CNTN5: variants seen among roughly 807,000 people sequenced by gnomAD.
CNTN5 encodes contactin 5, also known as contactin-5.
Under a neutral mutation model 129.1 loss-of-function variants are expected in CNTN5, and 77 were observed. The ratio of observed to expected loss-of-function variants is 0.60; its 90% confidence interval spans 0.50 to 0.72. The LOEUF (loss-of-function observed/expected upper bound fraction) is 0.72, where lower values mean the gene tolerates loss of function less well. Among genes scored for constraint, CNTN5 ranks in the 30% least tolerant of loss-of-function variants. The pLI, the probability that CNTN5 is intolerant of heterozygous loss-of-function variation, is 0.00. For synonymous variants in CNTN5, 509 were observed against 465.6 expected, an observed-to-expected ratio of 1.09 and a Z score of -1.20; for missense variants, 1,478 against 1,328.8, an observed-to-expected ratio of 1.11 and a Z score of -1.75.
At chr11:99,959,927 A>G (rs1207117154) in intron 8 of CNTN5, among the ~76,000 whole-genome samples, 4 of 149,650 alleles carry the variant, frequency 2.7e-5, no homozygotes, top group Admixed American at 6.7e-5. Flanking sequence ...TTATTTGTCC[A>G]TTTTTTTTTT....
intron 9 of CNTN5, among the ~76,000 whole-genome samples, chr11:100,044,871 A>T (rs1179468408): frequency 6.6e-6 from 1 of 152,122 alleles, no homozygotes; most frequent in South Asian, 2.1e-4. Flanking sequence ...AGAACTCAGA[A>T]AAGTTATACT....
chr11:100,078,429 T>C (rs1041146661), intron 13 of CNTN5, among the ~76,000 whole-genome samples: 2 of 152,118 alleles, frequency 1.3e-5, no homozygotes, highest in Non-Finnish European at 2.9e-5. Context: ...CTAAGATTTG[T>C]TTACATTTGT....
intron 7 of CNTN5, among the ~76,000 whole-genome samples, chr11:99,950,936 A>G (rs1156825246): frequency 6.6e-6 from 1 of 152,194 alleles, no homozygotes; most frequent in African/African-American, 2.4e-5. Flanking sequence ...GTAATTTTCC[A>G]CTGGTTCTTT....
intron 1 of CNTN5, among the ~76,000 whole-genome samples, chr11:99,283,728 A>G (rs1271156798): frequency 6.6e-6 from 1 of 152,176 alleles, no homozygotes; most frequent in Admixed American, 6.6e-5. Flanking sequence ...ATCATATAAA[A>G]AAAAGAGTAG....
At chr11:99,525,510 G>A (rs925602168) in intron 2 of CNTN5, among the ~76,000 whole-genome samples, 1 of 152,214 alleles carries the variant, frequency 6.6e-6, no homozygotes, top group Admixed American at 6.5e-5. Context: ...TTTTGAGGAA[G>A]CAGGATTCAC....
At chr11:100,005,198 T>G (rs531612039) in intron 9 of CNTN5, among the ~76,000 whole-genome samples, 42 of 152,294 alleles carry the variant, frequency 2.8e-4, no homozygotes, top group African/African-American at 8.4e-4. Flanking sequence ...TTCCATCTAC[T>G]TAATCCAATC....
At chr11:99,190,871 A>T (rs529738697) in intron 1 of CNTN5, among the ~76,000 whole-genome samples, 13 of 151,640 alleles carry the variant, frequency 8.6e-5, no homozygotes, top group African/African-American at 3.1e-4. Context: ...TAGAACATCT[A>T]GGATTATGTT....
At chr11:99,939,868 T>C (rs573974897) in intron 7 of CNTN5, among the ~76,000 whole-genome samples, 1 of 152,156 alleles carries the variant, frequency 6.6e-6, no homozygotes, top group Non-Finnish European at 1.5e-5. Context: ...AAGGAGGTAT[T>C]GTGTTCTGCT....
At chr11:99,685,849 G>A (rs561233650) in intron 3 of CNTN5, among the ~76,000 whole-genome samples, 1 of 151,842 alleles carries the variant, frequency 6.6e-6, no homozygotes, top group African/African-American at 2.4e-5. Flanking sequence ...TTTACTATTT[G>A]TATCTTGTAT....
At chr11:99,163,090 C>G (rs2135519037) in intron 1 of CNTN5, among the ~76,000 whole-genome samples, 1 of 152,212 alleles carries the variant, frequency 6.6e-6, no homozygotes, top group African/African-American at 2.4e-5. Flanking sequence ...CTGCTTTTGA[C>G]AAATCACCTA....
intron 9 of CNTN5, among the ~76,000 whole-genome samples, chr11:100,021,303 C>T (rs900962138): frequency 6.6e-6 from 1 of 152,116 alleles, no homozygotes; most frequent in Non-Finnish European, 1.5e-5. Flanking sequence ...AGTGAGTGGA[C>T]TAGTCTACAA....
At chr11:100,266,630 C>CTT (rs5794047) in intron 17 of CNTN5, among the ~76,000 whole-genome samples, 68,849 of 140,714 alleles carry the variant, frequency 0.49, 18,571 homozygotes, top group East Asian at 0.8. Context: ...ATTTCCAAAT[C>CTT]TTTTTTTTTT....
intron 1 of CNTN5, among the ~76,000 whole-genome samples, chr11:99,160,028 C>A (rs1039813512): frequency 2.6e-5 from 4 of 152,072 alleles, no homozygotes; most frequent in African/African-American, 9.7e-5. Context: ...AGAGTAGTCT[C>A]TGTGTTCATG....
chr11:99,213,414 A>G (rs947844210), intron 1 of CNTN5, among the ~76,000 whole-genome samples: 5 of 145,840 alleles, frequency 3.4e-5, no homozygotes, highest in African/African-American at 1.0e-4. Flanking sequence ...ACATATATGT[A>G]TATACATATA....
intron 3 of CNTN5, among the ~76,000 whole-genome samples, chr11:99,620,027 A>AAAAAAAAAAAAAAAAACCAACAAG (rs1555049924): frequency 7.7e-6 from 1 of 129,046 alleles, no homozygotes; most frequent in African/African-American, 2.8e-5. Context: ...CTCCGTCTCA[A>AAAAAAAAAAAAAAAAACCAACAAG]AAAAAAAAAA....
At chr11:99,594,684 A>G (rs1950073732) in intron 3 of CNTN5, among the ~76,000 whole-genome samples, 1 of 152,234 alleles carries the variant, frequency 6.6e-6, no homozygotes, top group South Asian at 2.1e-4. Context: ...AGGTTTGCCC[A>G]GCACAAAGCT....
At chr11:99,312,282 A>T (rs911628571) in intron 1 of CNTN5, among the ~76,000 whole-genome samples, 25 of 152,276 alleles carry the variant, frequency 1.6e-4, no homozygotes, top group African/African-American at 6.0e-4. Context: ...AATATGAAAC[A>T]CCGGGGTTAA....
intron 6 of CNTN5, among the ~76,000 whole-genome samples, chr11:99,912,997 C>T (rs1031272109): frequency 3.3e-5 from 5 of 151,814 alleles, no homozygotes; most frequent in Non-Finnish European, 5.9e-5. Context: ...TATTTTTGAC[C>T]TTGTGTAATT....
chr11:100,200,262 A>C (rs1259366477), intron 15 of CNTN5, among the ~76,000 whole-genome samples: 1 of 151,878 alleles, frequency 6.6e-6, no homozygotes, highest in Non-Finnish European at 1.5e-5. Flanking sequence ...ACATAGCAAA[A>C]TGTGAAGTGC....
Sources: allele counts gnomAD v4.1 joint callset (sites outside exome capture counted in the v4.1 genomes callset), GRCh38; gene constraint gnomAD v4.1.1; transcripts MANE v1.5; gene names NCBI Gene and HGNC (gene_info 2026-07-23, HGNC 2026-07-21).